BANP: variants seen among roughly 807,000 people sequenced by gnomAD.
BANP encodes BTG3 associated nuclear protein.
A neutral mutation model predicts 68.1 loss-of-function variants in BANP; 11 were observed. The ratio of observed to expected loss-of-function variants is 0.16; its 90% CI spans 0.10 to 0.27. The LOEUF (loss-of-function observed/expected upper bound fraction) is 0.27, where lower values mean the gene tolerates loss of function less well. Among genes scored for constraint, BANP ranks in the 10% least tolerant of loss-of-function variants. The pLI is 1.00. For missense variants in BANP, 504 were observed against 722.7 expected (o/e 0.70, Z 3.47); for synonymous variants, 329 against 303.2 (o/e 1.09, Z -0.88).
rs1324798123 is a variant in BANP, at chr16:88,018,351, G to A, written c.656-77G>A. ...TGGAGCATCTTTCCCGACTGTGCCT[G>A]AGCAGAGCGCTCTGCTGTCCTGAAT... is the stretch of plus-strand genomic sequence containing the variant. On this transcript the variant is annotated intron_variant, in intron 6 of 13. Transcript: ENST00000682872. This position sits in a 1 kb window ranked among gnomAD's most constrained non-coding sequence, Gnocchi z 7.7. The A allele has an allele frequency of 6.6e-7, 1 of 1,519,402 alleles. No homozygotes were observed. The highest frequency in any genetic ancestry group is 2.3e-5 in the East Asian group (1 of 44,158). The allele number at this position is 1,519,402 out of a possible 1,614,324, so 94.1% of individuals were successfully genotyped here.
intron 4 of BANP, among the ~76,000 whole-genome samples, chr16:87,993,097 G>A (rs931147933): frequency 3.9e-5 from 6 of 152,352 alleles, no homozygotes; most frequent in African/African-American, 1.2e-4. Flanking sequence ...TGGGGGTCAC[G>A]GGTTTTGGGG....
rs867560277 is a variant in BANP, at chr16:88,072,181, C to T, written c.1490C>T (p.Ala497Val). Residue 497 changes from alanine to valine, a missense_variant, in exon 13 of 14, where the codon GCG (alanine) becomes GTG (valine). By Grantham distance (64) the Ala-to-Val change is moderately conservative (BLOSUM62 0). Transcript: ENST00000682872. ...ATCCAGGTTCAGTACGTGCAGCTGG[C>T]GCCAGTGAGTGACCACACGGCCGGG... is the stretch of plus-strand genomic sequence containing the variant. The part of the protein sequence containing the change: ...SDIQVQYVQL[A>V]PVSDHTAGAQ... The T allele has an allele frequency of 3.7e-6, 6 of 1,611,108 alleles. No individual in the cohort carries two copies. The highest frequency in any genetic ancestry group is 1.7e-5 in the Admixed American group (1 of 59,964).
At chr16:88,028,423 G>C (rs1269783208) in intron 8 of BANP, among the ~76,000 whole-genome samples, 1 of 152,184 alleles carries the variant, frequency 6.6e-6, no homozygotes, top group East Asian at 1.9e-4. Flanking sequence ...CCCGGGGCCT[G>C]GTTCTTTCTG....
At chr16:87,972,221 A>G (rs11647195) in intron 1 of BANP, among the ~76,000 whole-genome samples, 53,005 of 151,174 alleles carry the variant, frequency 0.35, 10,542 homozygotes, top group Non-Finnish European at 0.47. Context: ...TTGTCATTTT[A>G]TTTTTCTTAA....
At chr16:88,035,790 G>A (rs1245729699) in intron 10 of BANP, among the ~76,000 whole-genome samples, 1 of 152,220 alleles carries the variant, frequency 6.6e-6, no homozygotes, top group Non-Finnish European at 1.5e-5. Flanking sequence ...CTGCCATGTG[G>A]CCCCAGCTTC....
At position 88,002,563 on chromosome 16, in the gene BANP, A is replaced by C. The variant is rs1054131369; in HGVS notation, c.363-1732A>C. Among the ~76,000 whole-genome samples, 1 of 152,120 alleles carries C rather than the reference A, an allele frequency of 6.6e-6. No individual in the cohort carries two copies. The highest frequency in any genetic ancestry group is 1.5e-5 in the Non-Finnish European group (1 of 68,024). On this transcript the variant is annotated intron_variant, in intron 4 of 13. Transcript: ENST00000682872. The surrounding 1 kb of genome is among the most constrained non-coding windows in gnomAD (Gnocchi z 4.6). ...GAGAGTCATCTTTAGGCAACAGGAC[A>C]TTCTGGAAGGTGGGGATCTGGAGAC... is the stretch of plus-strand genomic sequence containing the variant.
At chr16:88,001,914 AAAAAAAAAC>A (rs1277733637) in intron 4 of BANP, among the ~76,000 whole-genome samples, 1 of 12 alleles carries the variant, frequency 0.083, no homozygotes, top group South Asian at 0.25. Context: ...CCTAAGTGCT[AAAAAAAAAC>A]AAAAAAACAA....
intron 4 of BANP, among the ~76,000 whole-genome samples, chr16:88,001,341 C>G (rs540464200): frequency 2.8e-4 from 43 of 151,034 alleles, no homozygotes; most frequent in African/African-American, 9.5e-4. Flanking sequence ...TACCCAGACA[C>G]GTCTCCATGC....
chr16:87,989,661 T>C (rs1461336339), intron 4 of BANP, among the ~76,000 whole-genome samples: 1 of 91,124 alleles, frequency 1.1e-5, no homozygotes, highest in African/African-American at 5.0e-5. Context: ...TGATGGGGGA[T>C]GCAGGCCCGC....
intron 4 of BANP, among the ~76,000 whole-genome samples, chr16:87,985,354 C>T: frequency 6.6e-6 from 1 of 152,172 alleles, no homozygotes; most frequent in East Asian, 1.9e-4. Flanking sequence ...TCACGTGTTA[C>T]TCTGAGATGG....
At chr16:87,960,786 A>C (rs1454992722) in intron 1 of BANP, among the ~76,000 whole-genome samples, 1 of 152,232 alleles carries the variant, frequency 6.6e-6, no homozygotes, top group Non-Finnish European at 1.5e-5. Context: ...TTCATGGAAC[A>C]CTATAAAAAA....
Position 87,958,018 on chromosome 16 carries a change from T to G in BANP, c.-69+6503T>G, listed in dbSNP as rs1371896641. On this transcript the variant is annotated intron_variant, in intron 1 of 13. Coordinates refer to ENST00000682872, the MANE Select transcript of BANP (RefSeq NM_001386991.1). ...CCTGAGATTGAGAAAGTTCACACCC[T>G]AAGTGTTTTTAGAAGGCTGGGTGCC... Among the ~76,000 whole-genome samples the G allele has an allele frequency of 6.6e-5, 10 of 152,258 alleles. No individual in the cohort carries two copies. The East Asian group carries it at 1.9e-3, about 29-fold the overall frequency.
At position 88,027,674 on chromosome 16, in the gene BANP, G is replaced by A. The variant is rs896326233; in HGVS notation, c.1063+24G>A. On this transcript the variant is annotated intron_variant, in intron 8 of 13. Coordinates refer to ENST00000682872, the MANE Select transcript of BANP (RefSeq NM_001386991.1). The stretch of plus-strand genomic sequence containing the variant: ...AGGTAGGCCTCGTGCTGCAGGAGAG[G>A]CCGCCCTCCCCCGCTCGGGGCAGCT... 3.7e-6 allele frequency: 6 copies of A among 1,611,494 alleles called. No homozygotes were observed. In the African/African-American group the frequency reaches 4.0e-5, roughly 11 times the overall value.
At chr16:87,959,818 C>G (rs1038764243) in intron 1 of BANP, 1 of 152,398 alleles carries the variant, frequency 6.6e-6, no homozygotes, top group Non-Finnish European at 1.5e-5. Context: ...TGCGGAAGGG[C>G]GAGAGCAGGG....
chr16:87,972,203 T>TGAA (rs1405642522), intron 1 of BANP, among the ~76,000 whole-genome samples: 3 of 152,232 alleles, frequency 2.0e-5, no homozygotes, highest in Non-Finnish European at 4.4e-5. Context: ...TTTTTATTCT[T>TGAA]GAAAATTTTG....
chr16:88,024,651 C>G (rs765641697), intron 7 of BANP, among the ~76,000 whole-genome samples: 1 of 152,238 alleles, frequency 6.6e-6, no homozygotes, highest in Non-Finnish European at 1.5e-5. Flanking sequence ...GATCCTCGCC[C>G]TCCTCACCCA....
chr16:87,983,399 A>C (rs11645250), intron 3 of BANP, among the ~76,000 whole-genome samples: 1 of 152,024 alleles, frequency 6.6e-6, no homozygotes, highest in East Asian at 1.9e-4. Flanking sequence ...GGGAAATGAA[A>C]TTCTTCCCTT....
At chr16:88,022,471 G>T (rs564840300) in intron 7 of BANP, among the ~76,000 whole-genome samples, 1 of 152,338 alleles carries the variant, frequency 6.6e-6, no homozygotes, top group South Asian at 2.1e-4. Flanking sequence ...TCAGATGATT[G>T]TAGTTCTTTT....
At chr16:87,969,825 C>G (rs72631409) in intron 1 of BANP, among the ~76,000 whole-genome samples, 46,383 of 151,844 alleles carry the variant, frequency 0.31, 8,740 homozygotes, top group African/African-American at 0.5. Flanking sequence ...GCCACCACGC[C>G]TGGCCTGACT....
Sources: allele counts gnomAD v4.1 joint callset (sites outside exome capture counted in the v4.1 genomes callset), GRCh38; gene constraint gnomAD v4.1.1; non-coding constraint Gnocchi (gnomAD v3.1); transcripts MANE v1.5; gene names NCBI Gene and HGNC (gene_info 2026-07-23, HGNC 2026-07-21).